Variants in SMOX observed in about 807,000 individuals in gnomAD.
The protein encoded by SMOX is flavin containing amine oxidase.
SMOX carries 22 observed loss-of-function variants against 51.0 expected under a neutral mutation model. That is an observed-to-expected ratio of 0.43 (90% CI 0.31 to 0.62). The LOEUF is 0.62. SMOX is among the 20% of genes least tolerant of loss of function. The pLI is 0.10. For synonymous variants in SMOX, 282 were observed against 307.8 expected, an observed-to-expected ratio of 0.92 and a Z score of 0.88; for missense variants, 566 against 777.7, an observed-to-expected ratio of 0.73 and a Z score of 3.24.
chr20:4,181,939 AG>A lies in SMOX; in HGVS notation c.573del (p.Lys191AsnfsTer3). ...GACCCTGACGACCCAGAGGCTACCA[AG>A]CGCCTGAAGCTCGCCATGATCCAGC... Reference protein sequence around the residue: ...RNDPDDPEATKRLKLAMIQQY... With the variant: ...RNDPDDPEATXRLKLAMIQQY... On this transcript the variant is annotated frameshift_variant, in exon 4 of 7. Coordinates refer to ENST00000305958, the MANE Select transcript of SMOX (RefSeq NM_175839.3). LOFTEE classifies it high-confidence loss of function. The surrounding 1 kb of genome is among the most constrained non-coding windows in gnomAD (Gnocchi z 5.6). 1.2e-6 allele frequency: 2 copies of A among 1,614,100 alleles called. No homozygotes were observed. Among genetic ancestry groups the A allele is most frequent in the Non-Finnish European group, 1.7e-6 (2 of 1,180,014 alleles).
intron 3 of SMOX, among the ~76,000 whole-genome samples, chr20:4,180,449 A>G (rs938276303): frequency 6.6e-6 from 1 of 152,168 alleles, no homozygotes; most frequent in Non-Finnish European, 1.5e-5. Context: ...GAAGGGAAAC[A>G]AACCATTCAT....
chr20:4,168,883 CTATTTTATTTTATTTTATTTTATTT>C (rs11467242), intron 1 of SMOX, among the ~76,000 whole-genome samples: 3,409 of 128,592 alleles, frequency 0.027, 117 homozygotes, highest in African/African-American at 0.069. Context: ...AATTAATGCT[CTATTTTATTTTATTTTATTTTATTT>C]TATTTTATTT....
intron 1 of SMOX, among the ~76,000 whole-genome samples, chr20:4,165,711 T>TC (rs1986543306): frequency 6.6e-6 from 1 of 152,040 alleles, no homozygotes; most frequent in African/African-American, 2.4e-5. Flanking sequence ...GGGGTGATTT[T>TC]CCCCATTTGA....
intron 1 of SMOX, among the ~76,000 whole-genome samples, chr20:4,150,191 A>G (rs992954916): frequency 6.6e-6 from 1 of 151,902 alleles, no homozygotes; most frequent in Non-Finnish European, 1.5e-5. Context: ...TTAATCCCTC[A>G]TTCCCTCCAG....
chr20:4,150,824 CTTTT>C (rs753050845), intron 1 of SMOX, among the ~76,000 whole-genome samples: 1 of 107,680 alleles, frequency 9.3e-6, no homozygotes. Flanking sequence ...CATCTACTCA[CTTTT>C]TTTTTTTTTT....
At position 4,182,317 on chromosome 20, in the gene SMOX, C is replaced by A; in HGVS notation, c.838C>A (p.Pro280Thr). 6.3e-7 allele frequency: 1 copy of A among 1,598,580 alleles called. No individual in the cohort carries two copies. The highest frequency in any genetic ancestry group is 8.6e-7 in the Non-Finnish European group (1 of 1,169,130). The change falls in exon 5 of 7, where the codon CCC (proline) becomes ACC (threonine). Residue 280 changes from proline to threonine, a missense_variant. Pro to Thr is a conservative substitution (Grantham distance 38). Around this residue, in one of 3 missense-constraint regions of SMOX, gnomAD observed 347 missense variants for 481.8 expected, o/e 0.72. Coordinates refer to ENST00000305958, the MANE Select transcript of SMOX (RefSeq NM_175839.3). This position sits in a 1 kb window ranked among gnomAD's most constrained non-coding sequence, Gnocchi z 8.4. ...SARPRGPEIE[P>T]RGEGDHNHDT... ...CCGCCCCAGAGGCCCTGAGATTGAG[C>A]CCCGGGGTGAGGGCGACCACAATCA...
At chr20:4,164,277 C>T (rs528794069) in intron 1 of SMOX, among the ~76,000 whole-genome samples, 1 of 152,150 alleles carries the variant, frequency 6.6e-6, no homozygotes, top group Non-Finnish European at 1.5e-5. Context: ...TCACCCGGCC[C>T]GATCTTCCCT....
In SMOX at chr20:4,172,360, G is replaced by C. The variant is rs1978465672; in HGVS notation, c.-26-2670G>C. Among the ~76,000 whole-genome samples, 1 of 152,198 alleles carries C rather than the reference G, an allele frequency of 6.6e-6. No individual in the cohort carries two copies. Among genetic ancestry groups the C allele is most frequent in the Admixed American group, 6.5e-5 (1 of 15,292 alleles). On this transcript the variant is annotated intron_variant, in intron 1 of 6. Coordinates refer to ENST00000305958, the MANE Select transcript of SMOX (RefSeq NM_175839.3). The surrounding 1 kb of genome is among the most constrained non-coding windows in gnomAD (Gnocchi z 7.7). ...TCCCGGCCCGGCTGGCAGACATCCG[G>C]CGGCATCGCCGCTGACCCTCCCCGC...
chr20:4,150,824 CTT>C (rs753050845), intron 1 of SMOX, among the ~76,000 whole-genome samples: 16 of 107,658 alleles, frequency 1.5e-4, no homozygotes, highest in South Asian at 3.1e-4. Flanking sequence ...CATCTACTCA[CTT>C]TTTTTTTTTT....
intron 6 of SMOX, among the ~76,000 whole-genome samples, chr20:4,185,041 G>T (rs1979630098): frequency 1.3e-5 from 2 of 152,226 alleles, no homozygotes; most frequent in South Asian, 4.1e-4. Context: ...AGCTGAGTCA[G>T]CTGTGTCTCT....
rs1986626894 is a variant in SMOX, at chr20:4,167,706, T to C, written c.-26-7324T>C. Among the ~76,000 whole-genome samples, 1 of 152,072 alleles carries C rather than the reference T, an allele frequency of 6.6e-6. No homozygotes were observed. The highest frequency in any genetic ancestry group is 6.5e-5 in the Admixed American group (1 of 15,284). Reference sequence around the variant, plus strand: ...CCAGTGTTCTCTCCCTCCTCTTCTGTCTCCTGGGTTCATGAGCTGCCCCTG... The same window carrying C: ...CCAGTGTTCTCTCCCTCCTCTTCTGCCTCCTGGGTTCATGAGCTGCCCCTG... On this transcript the variant is annotated intron_variant, in intron 1 of 6. Transcript: ENST00000305958. This position sits in a 1 kb window ranked among gnomAD's most constrained non-coding sequence, Gnocchi z 4.8.
At chr20:4,154,842 G>T (rs1985929089) in intron 1 of SMOX, among the ~76,000 whole-genome samples, 1 of 149,816 alleles carries the variant, frequency 6.7e-6, no homozygotes, top group African/African-American at 2.5e-5. Flanking sequence ...GTAGGGAGCT[G>T]CCGGGGTAGG....
rs2122512281 is a variant in SMOX at position 4,172,004 on chromosome 20, C to T, written c.-26-3026C>T. ...ACCGAGCGCTGTTCCCCTATCCTGG[C>T]TTCCCAACGCTGGAGCTTATCTGGT... On this transcript the variant is annotated intron_variant, in intron 1 of 6. Coordinates refer to ENST00000305958, the MANE Select transcript of SMOX (RefSeq NM_175839.3). The surrounding 1 kb of genome is among the most constrained non-coding windows in gnomAD (Gnocchi z 7.7). 1 of 152,488 alleles carries T rather than the reference C, an allele frequency of 6.6e-6. No individual in the cohort carries two copies. Among genetic ancestry groups the T allele is most frequent in the East Asian group, 1.9e-4 (1 of 5,182 alleles). 9.4% of individuals were successfully genotyped at this position (152,488 alleles called of 1,614,324 possible). A position where few individuals can be genotyped will look rare whatever the true frequency, so the allele number is the denominator to read the frequency against.
intron 1 of SMOX, among the ~76,000 whole-genome samples, chr20:4,154,679 A>G (rs1485652598): frequency 6.6e-6 from 1 of 152,126 alleles, no homozygotes; most frequent in Non-Finnish European, 1.5e-5. Flanking sequence ...TGCATTTTTA[A>G]TAAGCTCCTT....
chr20:4,149,197 G>A lies in SMOX; in HGVS notation c.-27+220G>A, dbSNP rs951774611. Among the ~76,000 whole-genome samples, 1 of 149,960 alleles carries A rather than the reference G, an allele frequency of 6.7e-6. No homozygotes were observed. Among genetic ancestry groups the A allele is most frequent in the Non-Finnish European group, 1.5e-5 (1 of 67,242 alleles). ...GGAGCAGGGGGCGCCGCGCCCCCCTGGCTTCCGCCGGGGTAAGCAGTGGTG... is the reference window on the plus strand; with the variant it reads ...GGAGCAGGGGGCGCCGCGCCCCCCTAGCTTCCGCCGGGGTAAGCAGTGGTG... On this transcript the variant is annotated intron_variant, in intron 1 of 6. Transcript: ENST00000305958. This position sits in a 1 kb window ranked among gnomAD's most constrained non-coding sequence, Gnocchi z 6.0.
chr20:4,177,476 A>G lies in SMOX; in HGVS notation c.334A>G (p.Ile112Val). 1 of 1,582,504 alleles carries G rather than the reference A, an allele frequency of 6.3e-7. No homozygotes were observed. Among genetic ancestry groups the G allele is most frequent in the Non-Finnish European group, 8.6e-7 (1 of 1,162,806 alleles). ...CGATGGGGAACGCAGCGTGGGCCGCATCAGCCTCTATTCCAAGAATGGCGT... is the reference window on the plus strand; with the variant it reads ...CGATGGGGAACGCAGCGTGGGCCGCGTCAGCCTCTATTCCAAGAATGGCGT... ...TTDGERSVGR[I>V]SLYSKNGVAC... is the part of the protein sequence containing the mutation. The change falls in exon 3 of 7, where the codon ATC becomes GTC. Residue 112 changes from isoleucine (I) to valine (V), a missense_variant. Ile to Val is a conservative substitution (Grantham distance 29, BLOSUM62 3). This residue lies in a region of SMOX where 217 missense variants were observed against 278.4 expected (regional missense o/e 0.78). Coordinates refer to ENST00000305958, the MANE Select transcript of SMOX (RefSeq NM_175839.3). This position sits in a 1 kb window ranked among gnomAD's most constrained non-coding sequence, Gnocchi z 4.3.
Position 4,182,865 on chromosome 20 carries a change from A to G in SMOX, c.1369+17A>G. The G allele has an allele frequency of 1.3e-6, 2 of 1,591,138 alleles. No individual in the cohort carries two copies. Among genetic ancestry groups the G allele is most frequent in the Non-Finnish European group, 1.7e-6 (2 of 1,173,366 alleles). The stretch of plus-strand genomic sequence containing the variant: ...AGTTCACAGGTGCGCCACGTGCCCC[A>G]CGACCCGCTTCCCCCACCCTGCTTC... On this transcript the variant is annotated intron_variant, in intron 5 of 6. Coordinates refer to ENST00000305958, the MANE Select transcript of SMOX (RefSeq NM_175839.3). The surrounding 1 kb of genome is among the most constrained non-coding windows in gnomAD (Gnocchi z 8.4).
At chr20:4,173,093 A>G (rs948079101) in intron 1 of SMOX, among the ~76,000 whole-genome samples, 3 of 152,204 alleles carry the variant, frequency 2.0e-5, no homozygotes, top group African/African-American at 7.2e-5. Context: ...AGTGAGGTCT[A>G]TGTAGATACA....
chr20:4,161,147 C>T (rs1022624424), intron 1 of SMOX, among the ~76,000 whole-genome samples: 9 of 152,308 alleles, frequency 5.9e-5, no homozygotes, highest in Admixed American at 4.6e-4. Flanking sequence ...GAAGCCCCAC[C>T]GGGAAGCCAC....
Sources: gnomAD v4.1 joint callset for allele counts (sites outside exome capture counted in the v4.1 genomes callset) on GRCh38, gnomAD v4.1.1 for gene constraint, gnomAD v4.1.1 regional missense constraint, Gnocchi (gnomAD v3.1) non-coding constraint, MANE v1.5 for transcripts, NCBI Gene and HGNC (gene_info 2026-07-23, HGNC 2026-07-21) for gene names.